The following SLC26A7 variants were observed in gnomAD, a reference collection of about 807,000 sequenced individuals.
SLC26A7 encodes solute carrier family 26 member 7.
A neutral mutation model predicts 82.5 loss-of-function variants in SLC26A7; 59 were observed. That is an observed-to-expected ratio of 0.72 (90% CI 0.58 to 0.89). The LOEUF (loss-of-function observed/expected upper bound fraction) is 0.89. Among genes scored for constraint, SLC26A7 ranks in the 40% least tolerant of loss-of-function variants. The probability of loss-of-function intolerance (pLI) is 0.00; values close to 1 mark genes in which losing one functional copy is unlikely to be tolerated. For synonymous variants in SLC26A7, 271 were observed against 274.3 expected (o/e 0.99, Z 0.12); for missense variants, 820 against 793.0 (o/e 1.03, Z -0.41).
intron 2 of SLC26A7, among the ~76,000 whole-genome samples, chr8:91,225,580 G>A (rs1391920406): frequency 9.3e-6 from 1 of 108,088 alleles, no homozygotes; most frequent in African/African-American, 3.5e-5. Flanking sequence ...TTTTTTTTTT[G>A]ATGGGAGCTT....
At chr8:91,217,831 A>G (rs1054274517) in intron 1 of SLC26A7, among the ~76,000 whole-genome samples, 2 of 152,184 alleles carry the variant, frequency 1.3e-5, no homozygotes, top group Non-Finnish European at 1.5e-5. Flanking sequence ...TCAGGTTTGT[A>G]GATATTCTAT....
chr8:91,214,617 T>C (rs992146019), intron 1 of SLC26A7, among the ~76,000 whole-genome samples: 7 of 152,152 alleles, frequency 4.6e-5, no homozygotes, highest in African/African-American at 1.7e-4. Flanking sequence ...ATATCAGGAC[T>C]AATTTCCTCA....
intron 2 of SLC26A7, among the ~76,000 whole-genome samples, 172 bp from the exon 3 acceptor site, chr8:91,288,964 A>C (rs936868751): frequency 6.6e-6 from 1 of 152,234 alleles, no homozygotes; most frequent in African/African-American, 2.4e-5. Flanking sequence ...ATAACAATGA[A>C]CTAAAGCGTG....
chr8:91,225,354 GCA>G (rs1810218672), intron 2 of SLC26A7, among the ~76,000 whole-genome samples: 1 of 152,110 alleles, frequency 6.6e-6, no homozygotes, highest in Non-Finnish European at 1.5e-5. Context: ...CGTGGAAAAA[GCA>G]CAGTTTCCCC....
chr8:91,270,179 A>G (rs1413043292), intron 2 of SLC26A7, among the ~76,000 whole-genome samples: 1 of 152,128 alleles, frequency 6.6e-6, no homozygotes, highest in Non-Finnish European at 1.5e-5. Flanking sequence ...TGATTCCTGC[A>G]CATTTGAGAA....
chr8:91,317,955 TATAAAATA>T (rs1812685703), intron 4 of SLC26A7, among the ~76,000 whole-genome samples: 1 of 143,902 alleles, frequency 6.9e-6, no homozygotes, highest in Non-Finnish European at 1.5e-5. Flanking sequence ...TATATATATA[TATAAAATA>T]AAAATAAAAA....
chr8:91,308,816 G>A (rs1812397122), intron 4 of SLC26A7, among the ~76,000 whole-genome samples: 1 of 151,992 alleles, frequency 6.6e-6, no homozygotes, highest in Non-Finnish European at 1.5e-5. Context: ...TCCTGGCTTT[G>A]GACATTGGGA....
At chr8:91,389,470 C>T (rs1447055491) in intron 16 of SLC26A7, 32 bp downstream of exon 16, 2 of 1,524,744 alleles carry the variant, frequency 1.3e-6, no homozygotes, top group Non-Finnish European at 1.8e-6. Context: ...AGAACTGTTT[C>T]TTCCCTTTTG....
intron 2 of SLC26A7, among the ~76,000 whole-genome samples, chr8:91,263,099 A>G (rs1811012766): frequency 6.6e-6 from 1 of 152,074 alleles, no homozygotes; most frequent in African/African-American, 2.4e-5. Flanking sequence ...TTTTAGGACT[A>G]CAATTTTACA....
chr8:91,239,155 G>A (rs1810432268), intron 2 of SLC26A7, among the ~76,000 whole-genome samples: 1 of 151,954 alleles, frequency 6.6e-6, no homozygotes, highest in Non-Finnish European at 1.5e-5. Flanking sequence ...CGGATCACGA[G>A]GTCTGGATAT....
chr8:91,359,235 C>G (rs572701801), intron 11 of SLC26A7, among the ~76,000 whole-genome samples: 1 of 152,072 alleles, frequency 6.6e-6, no homozygotes, highest in Non-Finnish European at 1.5e-5. Flanking sequence ...GAAAAGGATA[C>G]GGCTTAAGAT....
At chr8:91,354,903 CTTTT>C (rs771643923) in intron 11 of SLC26A7, among the ~76,000 whole-genome samples, 10 of 151,074 alleles carry the variant, frequency 6.6e-5, no homozygotes, top group African/African-American at 1.9e-4. Flanking sequence ...TACCTTTAAT[CTTTT>C]TTTTTAAAAA....
rs1810020111 is a variant in SLC26A7 at position 91,215,174 on chromosome 8, G to T, written c.-149-3716G>T. ...TGCAATGTCCCTTTTGCTATGTGAG[G>T]TGACATGCATATTCATGAATTTCAG... On this transcript the variant is annotated intron_variant, in intron 1 of 5. Transcript: ENST00000522862. Among the ~76,000 whole-genome samples, 3 of 152,044 alleles carry T rather than the reference G, an allele frequency of 2.0e-5. No individual in the cohort carries two copies. The South Asian group carries it at 6.2e-4, about 31-fold the overall frequency.
At chr8:91,324,034 C>G (rs1812869228) in intron 5 of SLC26A7, among the ~76,000 whole-genome samples, 1 of 151,988 alleles carries the variant, frequency 6.6e-6, no homozygotes, top group Admixed American at 6.6e-5. Flanking sequence ...GCCTTATCAG[C>G]CAGGCTGGTC....
chr8:91,228,870 A>C (rs1437796396), intron 2 of SLC26A7, among the ~76,000 whole-genome samples: 1 of 152,220 alleles, frequency 6.6e-6, no homozygotes, highest in African/African-American at 2.4e-5. Context: ...TCATTCAAGT[A>C]ACATTGGTTT....
At chr8:91,299,069 T>G (rs1812091588) in intron 4 of SLC26A7, among the ~76,000 whole-genome samples, 1 of 152,100 alleles carries the variant, frequency 6.6e-6, no homozygotes, top group Non-Finnish European at 1.5e-5. Context: ...ATGAGTGAGG[T>G]TCAACATCTT....
chr8:91,363,115 A>C (rs978897720), intron 12 of SLC26A7, among the ~76,000 whole-genome samples: 40 of 152,100 alleles, frequency 2.6e-4, no homozygotes, highest in Non-Finnish European at 7.4e-5. Context: ...TTCAGATTCA[A>C]TACTATCCAG....
chr8:91,234,390 A>G (rs950476196), intron 2 of SLC26A7, among the ~76,000 whole-genome samples: 25 of 152,216 alleles, frequency 1.6e-4, no homozygotes, highest in Non-Finnish European at 1.3e-4. Flanking sequence ...TCTCTTAAGA[A>G]GTAGAGTAGT....
rs1487852574 is a variant in SLC26A7, at chr8:91,393,951, C to A, written c.1847C>A (p.Ala616Glu). The stretch of plus-strand genomic sequence containing the variant: ...TTTCTTGAAGCTTCCTTGATAAAAG[C>A]AATGACGTATTATGGAAACCTAGAC... ...LAHCTASLIK[A>E]MTYYGNLDSE... Residue 616 changes from alanine to glutamate, a missense_variant, in exon 18 of 19, where the codon GCA (alanine) becomes GAA (glutamate). Ala to Glu is a moderately radical substitution (Grantham distance 107). Transcript: ENST00000276609. The A allele has an allele frequency of 6.2e-7, 1 of 1,613,502 alleles. No homozygotes were observed.
Sources: allele counts gnomAD v4.1 joint callset (sites outside exome capture counted in the v4.1 genomes callset), GRCh38; gene constraint gnomAD v4.1.1; transcripts MANE v1.5; gene names NCBI Gene and HGNC (gene_info 2026-07-23, HGNC 2026-07-21).